Variants in GPM6A observed in about 807,000 individuals in gnomAD.
The protein encoded by GPM6A is neuronal membrane glycoprotein M6-a.
A neutral mutation model predicts 32.1 loss-of-function variants in GPM6A; 7 were observed. The observed-to-expected ratio is 0.22, with a 90% CI of 0.12 to 0.41. The LOEUF (loss-of-function observed/expected upper bound fraction) is 0.41. Among genes scored for constraint, GPM6A ranks in the 10% least tolerant of loss-of-function variants. The pLI, the probability that GPM6A is intolerant of heterozygous loss-of-function variation, is 1.00. For synonymous variants in GPM6A, 130 were observed against 123.4 expected (o/e 1.05, Z -0.35); for missense variants, 235 against 347.2 (o/e 0.68, Z 2.57).
intron 1 of GPM6A, among the ~76,000 whole-genome samples, chr4:175,992,059 T>C (rs957673666): frequency 7.1e-4 from 32 of 45,264 alleles, no homozygotes; most frequent in Non-Finnish European, 1.0e-3. Flanking sequence ...CAAACACACA[T>C]GCACACACAC....
chr4:175,672,932 G>A (rs1743163434), intron 3 of GPM6A, among the ~76,000 whole-genome samples: 1 of 152,106 alleles, frequency 6.6e-6, no homozygotes, highest in Admixed American at 6.6e-5. Context: ...TGAGATTGAA[G>A]TAATTTACAT....
At chr4:175,637,487 G>A (rs1192465762) in intron 6 of GPM6A, among the ~76,000 whole-genome samples, 1 of 5,368 alleles carries the variant, frequency 1.9e-4, no homozygotes, top group African/African-American at 4.7e-4. Flanking sequence ...ATATATATAT[G>A]ACCTTTATAT....
At chr4:175,681,649 C>A (rs1481080663) in intron 2 of GPM6A, among the ~76,000 whole-genome samples, 1 of 152,016 alleles carries the variant, frequency 6.6e-6, no homozygotes, top group Non-Finnish European at 1.5e-5. Context: ...AGCACCTCCC[C>A]TCCAACTCTC....
intron 1 of GPM6A, among the ~76,000 whole-genome samples, chr4:175,984,398 T>C (rs541549817): frequency 6.6e-5 from 10 of 152,144 alleles, no homozygotes; most frequent in East Asian, 1.9e-4. Context: ...CTCCGGACCT[T>C]GTGATCTACC....
At chr4:175,688,782 A>AC (rs1744132935) in intron 2 of GPM6A, among the ~76,000 whole-genome samples, 1 of 152,206 alleles carries the variant, frequency 6.6e-6, no homozygotes, top group Non-Finnish European at 1.5e-5. Context: ...GTAATTATGT[A>AC]CCAATAAATA....
intron 1 of GPM6A, among the ~76,000 whole-genome samples, chr4:175,991,764 T>C (rs1741151853): frequency 6.6e-6 from 1 of 152,152 alleles, no homozygotes; most frequent in Non-Finnish European, 1.5e-5. Context: ...TTATCAGATA[T>C]GATCTGTTCC....
intron 2 of GPM6A, among the ~76,000 whole-genome samples, chr4:175,696,199 AACT>A (rs1744570020): frequency 6.6e-6 from 1 of 152,184 alleles, no homozygotes. Context: ...ACTAATTATC[AACT>A]AATTTTATTG....
At chr4:175,816,071 G>A (rs1735090889), upstream of GPM6A, among the ~76,000 whole-genome samples, 1 of 152,150 alleles carries the variant, frequency 6.6e-6, no homozygotes, top group Admixed American at 6.5e-5. Flanking sequence ...CACACCTATA[G>A]TCCCAGCTAC....
chr4:175,679,753 A>G (rs1743577543), intron 2 of GPM6A, among the ~76,000 whole-genome samples: 1 of 152,172 alleles, frequency 6.6e-6, no homozygotes, highest in South Asian at 2.1e-4. Flanking sequence ...CAAGGTTTAA[A>G]TGCCATTACA....
chr4:175,877,466 T>C (rs1196966250), intron 1 of GPM6A, among the ~76,000 whole-genome samples: 3 of 152,152 alleles, frequency 2.0e-5, no homozygotes, highest in Non-Finnish European at 4.4e-5. Flanking sequence ...CAGTTCTTCA[T>C]GGCTGGCGAG....
chr4:175,691,179 T>C (rs951121729), intron 2 of GPM6A, among the ~76,000 whole-genome samples: 3 of 152,214 alleles, frequency 2.0e-5, no homozygotes, highest in African/African-American at 7.2e-5. Flanking sequence ...GTCAGTGATA[T>C]ATCACAAGAT....
At chr4:175,757,956 C>T (rs963521828) in intron 1 of GPM6A, among the ~76,000 whole-genome samples, 2 of 152,142 alleles carry the variant, frequency 1.3e-5, no homozygotes, top group Non-Finnish European at 1.5e-5. Flanking sequence ...AATAAAACTG[C>T]AGTGACATAA....
rs149592533 is a variant in GPM6A at position 175,757,439 on chromosome 4, A to T, written c.37+54752T>A. 1.4e-3 allele frequency among the ~76,000 whole-genome samples: 217 copies of T among 152,254 alleles called. 1 individual carries two copies. The highest frequency in any genetic ancestry group is 4.8e-3 in the African/African-American group (199 of 41,556). On this transcript the variant is annotated intron_variant, in intron 1 of 6. Coordinates refer to ENST00000393658, the MANE Select transcript of GPM6A (RefSeq NM_201591.3). The stretch of plus-strand genomic sequence containing the variant: ...ACTCCCAAATTCCCGGCCCACAGTA[A>T]TCGTGGGATATAAAAATGTTCGTTG...
intron 1 of GPM6A, among the ~76,000 whole-genome samples, chr4:175,890,216 C>A (rs559550882): frequency 3.2e-4 from 48 of 152,268 alleles, no homozygotes; most frequent in African/African-American, 1.0e-3. Context: ...AAAACTTATA[C>A]AATCAATTTT....
chr4:175,948,790 C>T (rs1273302197), intron 1 of GPM6A, among the ~76,000 whole-genome samples: 1 of 137,392 alleles, frequency 7.3e-6, no homozygotes, highest in Non-Finnish European at 1.5e-5. Context: ...TGGACTCATG[C>T]CCCTACGCAG....
At chr4:175,987,524 TTGTGTGTGTG>T (rs141045074) in intron 1 of GPM6A, among the ~76,000 whole-genome samples, 1 of 148,602 alleles carries the variant, frequency 6.7e-6, no homozygotes, top group Non-Finnish European at 1.5e-5. Context: ...TAAAGTGTGT[TTGTGTGTGTG>T]TGTGTGTGTG....
At chr4:175,728,260 G>A (rs1731269737) in intron 1 of GPM6A, among the ~76,000 whole-genome samples, 1 of 151,956 alleles carries the variant, frequency 6.6e-6, no homozygotes, top group African/African-American at 2.4e-5. Flanking sequence ...GAGAAACAAT[G>A]AAGTCTTTTC....
intron 1 of GPM6A, among the ~76,000 whole-genome samples, chr4:175,756,079 T>C (rs968149338): frequency 1.3e-5 from 2 of 152,098 alleles, no homozygotes; most frequent in Non-Finnish European, 2.9e-5. Flanking sequence ...TAAGGTCTGA[T>C]GTGTTAGGAA....
At chr4:175,739,921 A>G (rs1020250644) in intron 1 of GPM6A, among the ~76,000 whole-genome samples, 2 of 152,120 alleles carry the variant, frequency 1.3e-5, no homozygotes, top group East Asian at 3.8e-4. Flanking sequence ...TTATTCCACA[A>G]AAGTGAAAAT....
Sources: allele counts gnomAD v4.1 joint callset (sites outside exome capture counted in the v4.1 genomes callset), GRCh38; gene constraint gnomAD v4.1.1; transcripts MANE v1.5; gene names NCBI Gene and HGNC (gene_info 2026-07-23, HGNC 2026-07-21).